The following ABTB3 variants were observed in gnomAD, a reference collection of about 807,000 sequenced individuals.
ABTB3 encodes the protein ankyrin repeat and BTB domain containing 3.
the ABTB3 span, among the ~76,000 whole-genome samples, chr12:107,567,120 A>G: frequency 3.3e-5 from 5 of 152,224 alleles, no homozygotes; most frequent in Non-Finnish European, 7.3e-5. Context: ...TCTTGTCTCA[A>G]TCAATCAATT....
the ABTB3 span, among the ~76,000 whole-genome samples, chr12:107,387,505 A>T: frequency 6.6e-6 from 1 of 152,180 alleles, no homozygotes; most frequent in African/African-American, 2.4e-5. Context: ...CAGCTTGTAG[A>T]TGACTGTTCA....
At chr12:107,350,029 T>C in the ABTB3 span, among the ~76,000 whole-genome samples, 1 of 152,210 alleles carries the variant, frequency 6.6e-6, no homozygotes, top group African/African-American at 2.4e-5. Flanking sequence ...GCACATTAAG[T>C]AATACAGATG....
chr12:107,562,119 T>C, the ABTB3 span, among the ~76,000 whole-genome samples: 1 of 152,188 alleles, frequency 6.6e-6, no homozygotes, highest in African/African-American at 2.4e-5. Context: ...ACACAGAAGG[T>C]ACTTACTTAT....
the ABTB3 span, among the ~76,000 whole-genome samples, chr12:107,523,564 G>A: frequency 6.6e-6 from 1 of 152,084 alleles, no homozygotes; most frequent in Non-Finnish European, 1.5e-5. Flanking sequence ...AGTTCTCCGG[G>A]TTTCTTTTTT....
chr12:107,648,636 A>G, the ABTB3 span, among the ~76,000 whole-genome samples: 2 of 152,108 alleles, frequency 1.3e-5, no homozygotes, highest in Non-Finnish European at 2.9e-5. Context: ...TTAGTGATAC[A>G]CAGAAACCCT....
the ABTB3 span, among the ~76,000 whole-genome samples, chr12:107,648,674 T>C: frequency 6.6e-6 from 1 of 152,264 alleles, no homozygotes; most frequent in East Asian, 1.9e-4. Context: ...ACCATGGAGC[T>C]AGGCACATTG....
At chr12:107,589,639 G>T in the ABTB3 span, among the ~76,000 whole-genome samples, 2 of 152,254 alleles carry the variant, frequency 1.3e-5, no homozygotes, top group Non-Finnish European at 2.9e-5. Flanking sequence ...GTCCCTGATT[G>T]GCTGGGCCTT....
chr12:107,591,687 G>A, the ABTB3 span, among the ~76,000 whole-genome samples: 16,038 of 152,238 alleles, frequency 0.11, 1,200 homozygotes, highest in East Asian at 0.26. Flanking sequence ...ATGGGCAAAG[G>A]AAATAAGAAT....
At chr12:107,595,315 G>T in the ABTB3 span, among the ~76,000 whole-genome samples, 2 of 152,108 alleles carry the variant, frequency 1.3e-5, no homozygotes, top group Non-Finnish European at 2.9e-5. Context: ...TCTAGAATAT[G>T]ATTTGAAGGA....
At chr12:107,347,983 G>A in the ABTB3 span, among the ~76,000 whole-genome samples, 3 of 152,066 alleles carry the variant, frequency 2.0e-5, no homozygotes, top group African/African-American at 7.2e-5. Context: ...CTGGGGTGGG[G>A]AGAAGGTACA....
chr12:107,393,813 C>G, the ABTB3 span, among the ~76,000 whole-genome samples: 1 of 152,068 alleles, frequency 6.6e-6, no homozygotes, highest in Non-Finnish European at 1.5e-5. Context: ...GCCTGTAGTC[C>G]CAGCTACTCA....
the ABTB3 span, among the ~76,000 whole-genome samples, chr12:107,333,783 T>A: frequency 6.6e-6 from 1 of 152,208 alleles, no homozygotes; most frequent in Non-Finnish European, 1.5e-5. Flanking sequence ...GGAGAGACCC[T>A]ATGTACTAAA....
the ABTB3 span, among the ~76,000 whole-genome samples, chr12:107,369,269 A>G: frequency 6.6e-6 from 1 of 151,928 alleles, no homozygotes; most frequent in African/African-American, 2.4e-5. Context: ...GTCTACTTTC[A>G]TATATTGTGT....
At chr12:107,640,161 G>A in the ABTB3 span, 1 of 542,412 alleles carries the variant, frequency 1.8e-6, no homozygotes, top group African/African-American at 1.9e-5. Context: ...CCTCTGATTA[G>A]TCCTGTCTGC....
At chr12:107,570,220 A>AT in the ABTB3 span, among the ~76,000 whole-genome samples, 39,194 of 151,412 alleles carry the variant, frequency 0.26, 5,170 homozygotes, top group East Asian at 0.32. Flanking sequence ...ACTTTCTTTT[A>AT]TTTTTTTTTC....
chr12:107,397,662 T>C, the ABTB3 span, among the ~76,000 whole-genome samples: 1 of 152,244 alleles, frequency 6.6e-6, no homozygotes, highest in Non-Finnish European at 1.5e-5. Flanking sequence ...ACGATTTTCT[T>C]GCCTTGATTA....
At chr12:107,364,939 C>G in the ABTB3 span, among the ~76,000 whole-genome samples, 2 of 152,238 alleles carry the variant, frequency 1.3e-5, no homozygotes, top group African/African-American at 4.8e-5. Flanking sequence ...CAAATGGAGT[C>G]CCCTGGGAGG....
At chr12:107,627,041 C>T in the ABTB3 span, among the ~76,000 whole-genome samples, 2 of 152,140 alleles carry the variant, frequency 1.3e-5, no homozygotes, top group Non-Finnish European at 2.9e-5. Flanking sequence ...CCAACTGACA[C>T]GTTCCCAGTT....
chr12:107,476,692 G>C, the ABTB3 span, among the ~76,000 whole-genome samples: 5 of 151,854 alleles, frequency 3.3e-5, no homozygotes, highest in African/African-American at 1.2e-4. Context: ...AGTCTCCATG[G>C]AAATTAGTGG....
Sources: allele counts gnomAD v4.1 joint callset (sites outside exome capture counted in the v4.1 genomes callset), GRCh38; gene constraint gnomAD v4.1.1; transcripts MANE v1.5; gene names NCBI Gene and HGNC (gene_info 2026-07-23, HGNC 2026-07-21).